The following CACNB2 variants were observed in gnomAD, a reference collection of about 807,000 sequenced individuals.
CACNB2 encodes the protein voltage-dependent L-type calcium channel subunit beta-2.
CACNB2 carries 42 observed loss-of-function variants against 73.3 expected under a neutral mutation model. That is an observed-to-expected ratio of 0.57 (90% CI 0.45 to 0.74). The LOEUF is 0.74. Ranked by LOEUF, CACNB2 falls within the 30% of genes least tolerant of loss-of-function variation. The pLI is 0.00. For synonymous variants in CACNB2, 348 were observed against 310.3 expected, an observed-to-expected ratio of 1.12 and a Z score of -1.28; for missense variants, 940 against 853.0, an observed-to-expected ratio of 1.10 and a Z score of -1.27.
At chr10:18,476,235 A>T (rs907345516) in intron 3 of CACNB2, among the ~76,000 whole-genome samples, 1 of 152,162 alleles carries the variant, frequency 6.6e-6, no homozygotes, top group Non-Finnish European at 1.5e-5. Context: ...GTCTTTTAAC[A>T]TGTTAATGCA....
Position 18,353,561 on chromosome 10 carries a change from G to T in CACNB2, c.214-48363G>T, listed in dbSNP as rs577484010. On this transcript the variant is annotated intron_variant, in intron 2 of 13. Coordinates refer to ENST00000324631, the MANE Select transcript of CACNB2 (RefSeq NM_201596.3). Reference sequence around the variant, plus strand: ...TGTAAGCATTTCTTCACAGTTCGCCGATCTACGTTGATTCAGTATAAGGTA... The same window carrying T: ...TGTAAGCATTTCTTCACAGTTCGCCTATCTACGTTGATTCAGTATAAGGTA... Among the ~76,000 whole-genome samples, 3 of 152,222 alleles carry T rather than the reference G, an allele frequency of 2.0e-5. No homozygotes were observed. The East Asian group carries it at 5.8e-4, about 29-fold the overall frequency.
intron 2 of CACNB2, among the ~76,000 whole-genome samples, chr10:18,362,184 T>C (rs2042169819): frequency 6.6e-6 from 1 of 152,236 alleles, no homozygotes; most frequent in South Asian, 2.1e-4. Flanking sequence ...TCGAGTGTTT[T>C]TGTATACATG....
chr10:18,534,373 GAT>G (rs2053354105), intron 11 of CACNB2, 146 bp downstream of exon 11: 1 of 759,566 alleles, frequency 1.3e-6, no homozygotes, highest in Non-Finnish European at 2.2e-6. Context: ...TTTTTAAATT[GAT>G]ATAGTTTCAT....
chr10:18,150,880 T>TTTTTTTTTTTTTTTTG lies in CACNB2; in HGVS notation c.121-3_121-2insTTTTTTTTTTTTTTTG, dbSNP rs2031492352. ...CTTTTTTTTTTTTTTTTTTTTTTTT[T>TTTTTTTTTTTTTTTTG]AGTCATATGGAAAAGGAGCCAGAAG... On this transcript the variant is annotated splice_polypyrimidine_tract_variant and splice_region_variant and intron_variant, in intron 1 of 13. Transcript: ENST00000324631. The TTTTTTTTTTTTTTTTG allele has an allele frequency of 4.6e-6, 6 of 1,300,366 alleles. No homozygotes were observed. The highest frequency in any genetic ancestry group is 2.4e-5 in the East Asian group (1 of 41,350). The allele number at this position is 1,300,366 out of a possible 1,614,324, so 80.6% of individuals were successfully genotyped here.
At chr10:18,485,513 G>T (rs2049009194) in intron 3 of CACNB2, among the ~76,000 whole-genome samples, 1 of 149,918 alleles carries the variant, frequency 6.7e-6, no homozygotes, top group African/African-American at 2.4e-5. Flanking sequence ...AAAAAAAACG[G>T]ATTAGATCTT....
intron 3 of CACNB2, among the ~76,000 whole-genome samples, chr10:18,424,058 C>T (rs938718662): frequency 6.6e-6 from 1 of 151,930 alleles, no homozygotes; most frequent in Admixed American, 6.6e-5. Flanking sequence ...AACTCATGTA[C>T]CCACCTCCAC....
intron 5 of CACNB2, among the ~76,000 whole-genome samples, chr10:18,502,706 A>C (rs1163374798): frequency 6.1e-5 from 8 of 131,638 alleles, no homozygotes; most frequent in East Asian, 2.0e-4. Context: ...AAAAAAAAAA[A>C]AAAAAAAAAA....
At chr10:18,407,542 A>G (rs1398643590) in intron 3 of CACNB2, among the ~76,000 whole-genome samples, 1 of 151,654 alleles carries the variant, frequency 6.6e-6, no homozygotes, top group Admixed American at 6.6e-5. Context: ...CTTTTTGTTT[A>G]TTGTACTTGG....
chr10:18,256,024 C>T (rs1347149514), intron 2 of CACNB2, among the ~76,000 whole-genome samples: 1 of 152,184 alleles, frequency 6.6e-6, no homozygotes, highest in Non-Finnish European at 1.5e-5. Flanking sequence ...AATCCTCATA[C>T]TTTCAAAAGA....
At chr10:18,416,672 G>T (rs1220624721) in intron 3 of CACNB2, among the ~76,000 whole-genome samples, 1 of 152,288 alleles carries the variant, frequency 6.6e-6, no homozygotes, top group Admixed American at 6.5e-5. Context: ...ACAGCCTCCC[G>T]AAGTTTTCTT....
chr10:18,449,590 A>G (rs180970660), intron 3 of CACNB2, among the ~76,000 whole-genome samples: 258 of 152,308 alleles, frequency 1.7e-3, no homozygotes, highest in Non-Finnish European at 2.8e-3. Context: ...CAAGGACCCT[A>G]TGGGATTCCT....
chr10:18,504,671 G>C (rs770352952), intron 5 of CACNB2, among the ~76,000 whole-genome samples: 1 of 152,070 alleles, frequency 6.6e-6, no homozygotes, highest in Non-Finnish European at 1.5e-5. Flanking sequence ...GTGAGACAGA[G>C]CCTCGCTCTG....
chr10:18,398,300 G>A (rs1164212220), intron 2 of CACNB2, among the ~76,000 whole-genome samples: 1 of 152,146 alleles, frequency 6.6e-6, no homozygotes, highest in Non-Finnish European at 1.5e-5. Context: ...GGCTGTCTTT[G>A]GATGGGAGAC....
At chr10:18,407,107 G>GTTTTTTTTTTTT (rs1293331753) in intron 3 of CACNB2, among the ~76,000 whole-genome samples, 3 of 49,556 alleles carry the variant, frequency 6.1e-5, no homozygotes, top group Non-Finnish European at 8.2e-5. Context: ...CTGCTGTTCT[G>GTTTTTTTTTTTT]TCTTTTTTTT....
At chr10:18,403,611 T>A (rs532854609) in intron 3 of CACNB2, among the ~76,000 whole-genome samples, 1 of 152,330 alleles carries the variant, frequency 6.6e-6, no homozygotes, top group African/African-American at 2.4e-5. Context: ...TCTGTGGCTG[T>A]GTCATGAGTT....
At chr10:18,204,614 T>G (rs917076650) in intron 2 of CACNB2, among the ~76,000 whole-genome samples, 1 of 152,250 alleles carries the variant, frequency 6.6e-6, no homozygotes, top group African/African-American at 2.4e-5. Flanking sequence ...ATGTGTGGCC[T>G]TAGGCCACAA....
rs138581160 is a variant in CACNB2 at position 18,510,869 on chromosome 10, T to G, written c.671-3367T>G. On this transcript the variant is annotated intron_variant, in intron 6 of 13. Transcript: ENST00000324631. ...AACTCTTGATTTTGGTTAACATGTA[T>G]TGTAGGAATAATGAATTCCTGACGC... Among the ~76,000 whole-genome samples the G allele has an allele frequency of 2.9e-3, 438 of 152,314 alleles. 1 individual carries two copies. Among genetic ancestry groups the G allele is most frequent in the Admixed American group, 4.1e-3 (63 of 15,310 alleles).
chr10:18,435,763 G>A lies in CACNB2; in HGVS notation c.333+33720G>A, dbSNP rs1241124165. On this transcript the variant is annotated intron_variant, in intron 3 of 13. Transcript: ENST00000324631. ...GATCCATCCGCCTTGGCCTCCCAAA[G>A]TGCTGGGAATACAAGCATGAGCCAC... Among the ~76,000 whole-genome samples, 5 of 152,064 alleles carry A rather than the reference G, an allele frequency of 3.3e-5. No homozygotes were observed. In the East Asian group the frequency reaches 7.7e-4, roughly 23 times the overall value.
intron 2 of CACNB2, among the ~76,000 whole-genome samples, chr10:18,212,783 A>G (rs2131357863): frequency 6.6e-6 from 1 of 152,354 alleles, no homozygotes; most frequent in African/African-American, 2.4e-5. Context: ...TTAAACATAA[A>G]TCAGAATAAA....
Sources: gnomAD v4.1 joint callset for allele counts (sites outside exome capture counted in the v4.1 genomes callset) on GRCh38, gnomAD v4.1.1 for gene constraint, MANE v1.5 for transcripts, NCBI Gene and HGNC (gene_info 2026-07-23, HGNC 2026-07-21) for gene names.